SH3D19: variants seen among roughly 807,000 people sequenced by gnomAD.
The protein encoded by SH3D19 is SH3 domain-containing protein 19.
SH3D19 carries 58 observed loss-of-function variants against 112.1 expected under a neutral mutation model. The ratio of observed to expected loss-of-function variants is 0.52; its 90% CI spans 0.42 to 0.64. The LOEUF is 0.64. Ranked by LOEUF, SH3D19 falls within the 30% of genes least tolerant of loss-of-function variation. SH3D19 has a pLI of 0.00. For missense variants in SH3D19, 1,090 were observed against 1,263.4 expected (o/e 0.86, Z 2.08); for synonymous variants, 391 against 448.5 (o/e 0.87, Z 1.62).
At chr4:151,248,427 T>C (rs571142320) in intron 1 of SH3D19, among the ~76,000 whole-genome samples, 1 of 152,362 alleles carries the variant, frequency 6.6e-6, no homozygotes, top group South Asian at 2.1e-4. Flanking sequence ...TTGCATTGAA[T>C]AGAGATTTCT....
intron 1 of SH3D19, among the ~76,000 whole-genome samples, chr4:151,271,793 C>A (rs1051373551): frequency 9.2e-5 from 14 of 152,210 alleles, no homozygotes; most frequent in African/African-American, 3.1e-4. Flanking sequence ...GCTAAATAGG[C>A]CAAACCCAAG....
At chr4:151,289,780 T>C (rs571633498) in intron 1 of SH3D19, among the ~76,000 whole-genome samples, 9 of 152,232 alleles carry the variant, frequency 5.9e-5, no homozygotes, top group Non-Finnish European at 1.3e-4. Context: ...AATATGTCCA[T>C]ACAAAAACTT....
At chr4:151,236,947 G>A (rs1486245069) in intron 1 of SH3D19, among the ~76,000 whole-genome samples, 3 of 152,182 alleles carry the variant, frequency 2.0e-5, no homozygotes, top group Non-Finnish European at 2.9e-5. Context: ...CATGTGGGTG[G>A]GGCCAGATAA....
At chr4:151,325,195 G>A (rs1033445149) in intron 1 of SH3D19, 46 bp downstream of exon 1, 1 of 1,089,294 alleles carries the variant, frequency 9.2e-7, no homozygotes, top group Admixed American at 4.4e-5. Context: ...CGGCCCCAGA[G>A]CGCGCAGCTC....
At chr4:151,247,444 A>C (rs917725804) in intron 1 of SH3D19, among the ~76,000 whole-genome samples, 3 of 152,230 alleles carry the variant, frequency 2.0e-5, no homozygotes, top group African/African-American at 7.2e-5. Flanking sequence ...AGATTTTCTA[A>C]GAGTTCTGGA....
At chr4:151,186,395 G>A (rs1053134007) in intron 3 of SH3D19, among the ~76,000 whole-genome samples, 2 of 152,196 alleles carry the variant, frequency 1.3e-5, no homozygotes, top group Non-Finnish European at 2.9e-5. Flanking sequence ...AAAAGTACCT[G>A]TAGAAACAAA....
intron 1 of SH3D19, among the ~76,000 whole-genome samples, chr4:151,230,589 AAGTG>A (rs1346457481): frequency 1.3e-5 from 2 of 151,688 alleles, no homozygotes; most frequent in African/African-American, 4.9e-5. Context: ...AAGTGGTTTA[AAGTG>A]AGTCTTTTTT....
intron 7 of SH3D19, chr4:151,170,738 T>C (rs1233711173): frequency 6.6e-6 from 1 of 152,214 alleles, no homozygotes; most frequent in East Asian, 1.9e-4. Flanking sequence ...TGTTCAGCTC[T>C]TTTAAAAAGA....
chr4:151,234,735 G>GTTTGTTTTT (rs1561387745), intron 1 of SH3D19, among the ~76,000 whole-genome samples: 1 of 25,080 alleles, frequency 4.0e-5, no homozygotes, highest in African/African-American at 9.3e-5. Flanking sequence ...CCAAGTTTGT[G>GTTTGTTTTT]TTTTTTTTTT....
intron 2 of SH3D19, among the ~76,000 whole-genome samples, chr4:151,199,529 A>G (rs72723760): frequency 2.6e-3 from 402 of 152,290 alleles, no homozygotes; most frequent in Non-Finnish European, 4.0e-3. Flanking sequence ...CTGCCTGGGA[A>G]ATGATAAAAC....
intron 17 of SH3D19, among the ~76,000 whole-genome samples, chr4:151,130,811 G>T (rs151198287): frequency 6.6e-6 from 1 of 151,996 alleles, no homozygotes; most frequent in African/African-American, 2.4e-5. Context: ...ACAGTGGCAG[G>T]CACCTGTAAA....
At chr4:151,246,091 G>A (rs1770929575) in intron 1 of SH3D19, among the ~76,000 whole-genome samples, 1 of 150,434 alleles carries the variant, frequency 6.6e-6, no homozygotes, top group Non-Finnish European at 1.5e-5. Context: ...GGTGGCATTT[G>A]TTCTGGTATC....
chr4:151,308,744 C>T (rs1181961909), intron 1 of SH3D19, among the ~76,000 whole-genome samples: 3 of 152,194 alleles, frequency 2.0e-5, no homozygotes, highest in African/African-American at 7.2e-5. Context: ...GTGTCACTAA[C>T]CATAAGGAGC....
chr4:151,257,570 A>G (rs534555198), intron 1 of SH3D19, among the ~76,000 whole-genome samples: 28 of 152,024 alleles, frequency 1.8e-4, no homozygotes, highest in Non-Finnish European at 3.8e-4. Context: ...CTTCTTCTTC[A>G]TCATCATTAT....
chr4:151,224,966 G>A (rs11099796), intron 2 of SH3D19, among the ~76,000 whole-genome samples: 111,447 of 152,090 alleles, frequency 0.73, 43,964 homozygotes, highest in Non-Finnish European at 0.89. Flanking sequence ...AAAAAAGAAT[G>A]AATTTTAACA....
At chr4:151,321,130 AG>A (rs1374844485) in intron 1 of SH3D19, among the ~76,000 whole-genome samples, 4 of 152,238 alleles carry the variant, frequency 2.6e-5, no homozygotes, top group Admixed American at 6.5e-5. Flanking sequence ...GGACTAAAGC[AG>A]GGATGTTAGT....
At chr4:151,277,421 A>C (rs1773746652) in intron 1 of SH3D19, among the ~76,000 whole-genome samples, 1 of 152,148 alleles carries the variant, frequency 6.6e-6, no homozygotes, top group Non-Finnish European at 1.5e-5. Flanking sequence ...ACACACACCC[A>C]CAAGATCCCT....
chr4:151,168,387 C>G (rs905234908), intron 7 of SH3D19, among the ~76,000 whole-genome samples: 1 of 142,206 alleles, frequency 7.0e-6, no homozygotes, highest in Non-Finnish European at 1.5e-5. Flanking sequence ...TCTTATCTTT[C>G]GAGTAGCATT....
chr4:151,318,300 CAAAAAAAAAAAAAAA>C (rs752720803), intron 1 of SH3D19, among the ~76,000 whole-genome samples: 1 of 54,482 alleles, frequency 1.8e-5, no homozygotes, highest in East Asian at 5.3e-4. Context: ...GACTCTGACT[CAAAAAAAAAAAAAAA>C]AAAAAAGAAA....
Sources: allele counts gnomAD v4.1 joint callset (sites outside exome capture counted in the v4.1 genomes callset), GRCh38; gene constraint gnomAD v4.1.1; transcripts MANE v1.5; gene names NCBI Gene and HGNC (gene_info 2026-07-23, HGNC 2026-07-21).